C19orf47: variants seen among roughly 807,000 people sequenced by gnomAD.
The protein encoded by C19orf47 is uncharacterized protein C19orf47.
C19orf47 carries 18 observed loss-of-function variants against 32.3 expected under a neutral mutation model. That is an observed-to-expected ratio of 0.56 (90% CI 0.39 to 0.83). C19orf47 has a LOEUF of 0.83. Among genes scored for constraint, C19orf47 ranks in the 40% least tolerant of loss-of-function variants. The pLI, the probability that C19orf47 is intolerant of heterozygous loss-of-function variation, is 0.00. For missense variants in C19orf47, 484 were observed against 531.6 expected, an observed-to-expected ratio of 0.91 and a Z score of 0.88; for synonymous variants, 202 against 211.1, an observed-to-expected ratio of 0.96 and a Z score of 0.37.
At chr19:40,315,685 CAGG>C (rs1048684504), downstream of C19orf47, among the ~76,000 whole-genome samples, 3 of 151,758 alleles carry the variant, frequency 2.0e-5, no homozygotes, top group Admixed American at 6.6e-5. Context: ...GAGGCTGAGG[CAGG>C]AGAATTGCTT....
chr19:40,310,550 G>A, the C19orf47 span, among the ~76,000 whole-genome samples: 1 of 151,986 alleles, frequency 6.6e-6, no homozygotes, highest in Non-Finnish European at 1.5e-5. Flanking sequence ...AAAGTGCTGG[G>A]ATTAAACATG....
the C19orf47 span, among the ~76,000 whole-genome samples, chr19:40,295,490 A>G: frequency 2.0e-5 from 3 of 151,908 alleles, no homozygotes; most frequent in Admixed American, 6.6e-5. Flanking sequence ...GCTGGAGTGC[A>G]ATAACGTGGT....
At chr19:40,307,843 G>C in the C19orf47 span, among the ~76,000 whole-genome samples, 1 of 150,962 alleles carries the variant, frequency 6.6e-6, no homozygotes, top group Non-Finnish European at 1.5e-5. Context: ...CTATCACCCA[G>C]GCTGGAGTGC....
rs1467576369 is a variant in C19orf47, at chr19:40,326,493, G to A, written c.440-7C>T. The A allele has an allele frequency of 6.2e-7, 1 of 1,611,372 alleles. No individual in the cohort carries two copies. The highest frequency in any genetic ancestry group is 8.5e-7 in the Non-Finnish European group (1 of 1,179,884). On this transcript the variant is annotated splice_polypyrimidine_tract_variant and splice_region_variant and intron_variant, in intron 6 of 8. Transcript: ENST00000683109. ...TCCCGGCGGGCCAGGGCTGCTGGGG[G>A]AAGAAAGCAGGGGTATCAGCACTCT...
chr19:40,345,551 A>C lies in C19orf47; in HGVS notation c.-34+2773T>G, dbSNP rs867430451. On this transcript the variant is annotated intron_variant, in intron 1 of 8. Transcript: ENST00000683109. The stretch of plus-strand genomic sequence containing the variant: ...CTGTCACTGTTAAAAAAAAAAAAAA[A>C]AAAAAAAAAACTGGGCGTGGTGGCT... Among the ~76,000 whole-genome samples, 1,121 of 151,138 alleles carry C rather than the reference A, an allele frequency of 7.4e-3. 20 individuals are homozygous for C. Among genetic ancestry groups the C allele is most frequent in the African/African-American group, 0.026 (1,076 of 41,184 alleles).
downstream of C19orf47, among the ~76,000 whole-genome samples, chr19:40,317,507 C>T (rs755287993): frequency 2.6e-5 from 4 of 151,894 alleles, no homozygotes; most frequent in Non-Finnish European, 4.4e-5. Context: ...GCTGTTGGGG[C>T]GGGCTCGGGA....
intron 5 of C19orf47, among the ~76,000 whole-genome samples, chr19:40,331,314 G>A (rs185110006): frequency 2.0e-5 from 3 of 152,300 alleles, no homozygotes; most frequent in Admixed American, 2.0e-4. Flanking sequence ...TTATGGACAC[G>A]TAGCCAAGTC....
chr19:40,337,710 G>GT (rs2078093399), intron 2 of C19orf47, among the ~76,000 whole-genome samples: 1 of 152,324 alleles, frequency 6.6e-6, no homozygotes, highest in East Asian at 1.9e-4. Flanking sequence ...ACGAGTGGCA[G>GT]TGCGGGGCTC....
the C19orf47 span, among the ~76,000 whole-genome samples, chr19:40,300,549 A>C: frequency 6.6e-6 from 1 of 152,228 alleles, no homozygotes; most frequent in African/African-American, 2.4e-5. Flanking sequence ...TAATGTTATA[A>C]GTCATAATTT....
At chr19:40,334,413 C>T (rs1365490566) in intron 4 of C19orf47, among the ~76,000 whole-genome samples, 2 of 152,032 alleles carry the variant, frequency 1.3e-5, no homozygotes, top group African/African-American at 4.8e-5. Flanking sequence ...TGTACCACTG[C>T]ATTCTAGCCT....
rs1002485219 is a variant in C19orf47 at position 40,321,150 on chromosome 19, G to A, written c.*732C>T. The A allele has an allele frequency of 4.2e-5, 35 of 841,026 alleles. No homozygotes were observed. Among genetic ancestry groups the A allele is most frequent in the South Asian group, 1.1e-4 (2 of 18,332 alleles). The allele number at this position is 841,026 out of a possible 1,614,324, so 52.1% of individuals were successfully genotyped here. A position where few individuals can be genotyped will look rare whatever the true frequency, so the allele number is the denominator to read the frequency against. ...TCCCAGTGCCCCTTGCCCACCACCC[G>A]CCATACACTTTCAGAGACAGATGCC... On this transcript the variant is annotated 3_prime_UTR_variant, in exon 9 of 9. Transcript: ENST00000683109.
chr19:40,300,648 A>T, the C19orf47 span, among the ~76,000 whole-genome samples: 1 of 152,160 alleles, frequency 6.6e-6, no homozygotes, highest in Non-Finnish European at 1.5e-5. Flanking sequence ...CAGATTTTTT[A>T]ACCATGGCCA....
At chr19:40,317,886 T>G (rs561472649), downstream of C19orf47, among the ~76,000 whole-genome samples, 1 of 152,122 alleles carries the variant, frequency 6.6e-6, no homozygotes, top group Non-Finnish European at 1.5e-5. Flanking sequence ...CACCGGCCAA[T>G]TTTTGTATTT....
intron 5 of C19orf47, among the ~76,000 whole-genome samples, chr19:40,330,892 G>C (rs2077938556): frequency 6.6e-6 from 1 of 152,160 alleles, no homozygotes; most frequent in African/African-American, 2.4e-5. Flanking sequence ...TCAGGGTAGT[G>C]GGTACCCTGG....
At chr19:40,311,600 C>T in the C19orf47 span, among the ~76,000 whole-genome samples, 2 of 152,030 alleles carry the variant, frequency 1.3e-5, no homozygotes, top group South Asian at 2.1e-4. Flanking sequence ...CACTGTCTTA[C>T]CCCACACCTT....
downstream of C19orf47, among the ~76,000 whole-genome samples, chr19:40,319,331 A>G (rs1600157858): frequency 1.3e-5 from 2 of 151,852 alleles, no homozygotes; most frequent in East Asian, 3.9e-4. Flanking sequence ...TTCACGAGGT[A>G]TATTTTCACA....
chr19:40,323,884 C>A, intron 8 of C19orf47, 122 bp downstream of exon 8: 1 of 1,206,472 alleles, frequency 8.3e-7, no homozygotes, highest in South Asian at 1.2e-5. Context: ...GGAACTGAGG[C>A]TGGAAAGGCA....
At chr19:40,343,117 A>G (rs960990749) in intron 1 of C19orf47, among the ~76,000 whole-genome samples, 1 of 151,974 alleles carries the variant, frequency 6.6e-6, no homozygotes, top group African/African-American at 2.4e-5. Context: ...CCCTGGCCCA[A>G]ACTTCCTTCC....
intron 7 of C19orf47, among the ~76,000 whole-genome samples, chr19:40,324,927 T>A (rs1036000079): frequency 6.8e-6 from 1 of 147,906 alleles, no homozygotes; most frequent in Admixed American, 6.8e-5. Context: ...ACCACAGCAC[T>A]CCAGCCCAGG....
Sources: allele counts gnomAD v4.1 joint callset (sites outside exome capture counted in the v4.1 genomes callset), GRCh38; gene constraint gnomAD v4.1.1; transcripts MANE v1.5; gene names NCBI Gene and HGNC (gene_info 2026-07-23, HGNC 2026-07-21).